The following ZNF827 variants were observed in gnomAD, a reference collection of about 807,000 sequenced individuals.
ZNF827 encodes the protein zinc finger protein 827.
A neutral mutation model predicts 102.4 loss-of-function variants in ZNF827; 13 were observed. That is an observed-to-expected ratio of 0.13 (90% CI 0.08 to 0.20). The LOEUF (loss-of-function observed/expected upper bound fraction) is 0.20, where lower values mean the gene tolerates loss of function less well. Among genes scored for constraint, ZNF827 ranks in the 10% least tolerant of loss-of-function variants. ZNF827 has a pLI of 1.00. For missense variants in ZNF827, 1,103 were observed against 1,344.4 expected (o/e 0.82, Z 2.81); for synonymous variants, 523 against 536.2 (o/e 0.98, Z 0.34).
intron 1 of ZNF827, among the ~76,000 whole-genome samples, chr4:145,936,468 A>G (rs1423540300): frequency 1.3e-5 from 2 of 152,054 alleles, no homozygotes; most frequent in African/African-American, 4.8e-5. Context: ...AAGGAAGGGG[A>G]AAAAAGCACA....
At chr4:145,776,525 T>G (rs972322213) in intron 9 of ZNF827, among the ~76,000 whole-genome samples, 1 of 151,588 alleles carries the variant, frequency 6.6e-6, no homozygotes, top group Non-Finnish European at 1.5e-5. Context: ...TTTTTTTTCC[T>G]GGACACCCAC....
In ZNF827 at chr4:145,765,744, A is replaced by C. The variant is rs1359642597; in HGVS notation, c.2861-6T>G. The C allele has an allele frequency of 1.9e-6, 3 of 1,612,122 alleles. No homozygotes were observed. In the African/African-American group the frequency reaches 4.0e-5, roughly 22 times the overall value. ...GGGGGTCTTCCTGTCTTCCCCTGAA[A>C]AATAAGCAAATAACCCAGTCTGTTA... On this transcript the variant is annotated splice_region_variant and splice_polypyrimidine_tract_variant and intron_variant, in intron 11 of 14. Transcript: ENST00000508784. This position sits in a 1 kb window ranked among gnomAD's most constrained non-coding sequence, Gnocchi z 4.7.
intron 1 of ZNF827, among the ~76,000 whole-genome samples, chr4:145,924,330 G>A (rs769637201): frequency 1.3e-5 from 2 of 152,192 alleles, no homozygotes; most frequent in African/African-American, 4.8e-5. Context: ...GTTAAACTGG[G>A]CGGTAGGTTT....
At chr4:145,864,509 G>A (rs1329178943) in intron 5 of ZNF827, among the ~76,000 whole-genome samples, 8 of 151,354 alleles carry the variant, frequency 5.3e-5, no homozygotes, top group Admixed American at 4.6e-4. Flanking sequence ...TGGGAGGATC[G>A]CTTGAGCCTA....
At chr4:145,804,391 A>G (rs1741205656) in intron 8 of ZNF827, among the ~76,000 whole-genome samples, 1 of 152,198 alleles carries the variant, frequency 6.6e-6, no homozygotes. Context: ...ACTGCCTCTG[A>G]ACAGCTTGGC....
intron 1 of ZNF827, among the ~76,000 whole-genome samples, chr4:145,929,755 A>G (rs1219787756): frequency 1.3e-5 from 2 of 152,208 alleles, no homozygotes; most frequent in Non-Finnish European, 2.9e-5. Context: ...CTTAATAATA[A>G]GTAATATTTA....
chr4:145,790,798 T>C (rs1317768481), intron 8 of ZNF827, among the ~76,000 whole-genome samples: 1 of 152,258 alleles, frequency 6.6e-6, no homozygotes, highest in African/African-American at 2.4e-5. Flanking sequence ...CCTCTTTCTC[T>C]GCTCCTAACC....
At chr4:145,937,132 A>G (rs898876568) in intron 1 of ZNF827, among the ~76,000 whole-genome samples, 9 of 151,998 alleles carry the variant, frequency 5.9e-5, no homozygotes, top group African/African-American at 2.2e-4. Context: ...AAGCGGAGAA[A>G]GACTGGGGGG....
chr4:145,847,839 C>T (rs1414486048), intron 6 of ZNF827, among the ~76,000 whole-genome samples: 2 of 152,216 alleles, frequency 1.3e-5, no homozygotes, highest in South Asian at 2.1e-4. Flanking sequence ...ACCCGTCTCA[C>T]ACTTTGTACT....
chr4:145,938,469 G>T lies in ZNF827; in HGVS notation c.-62C>A. The T allele has an allele frequency of 7.5e-7, 1 of 1,340,700 alleles. No homozygotes were observed. The highest frequency in any genetic ancestry group is 1.2e-5 in the South Asian group (1 of 82,496). 83.1% of individuals were successfully genotyped at this position (1,340,700 alleles called of 1,614,324 possible). A position where few individuals can be genotyped will look rare whatever the true frequency, so the allele number is the denominator to read the frequency against. ...GTGAGATCAAATAAACCCCCGTGGG[G>T]GCAGAGAGGCAGACACTGGCAGGAG... On this transcript the variant is annotated 5_prime_UTR_variant, in exon 1 of 15. Transcript: ENST00000508784.
At chr4:145,870,025 G>C (rs926169920) in intron 5 of ZNF827, among the ~76,000 whole-genome samples, 1 of 152,168 alleles carries the variant, frequency 6.6e-6, no homozygotes, top group South Asian at 2.1e-4. Context: ...TGATAGTCAG[G>C]AAAAGGTTGT....
Position 145,761,157 on chromosome 4 carries a change from A to T in ZNF827, c.*459T>A. 2 of 1,289,806 alleles carry T rather than the reference A, an allele frequency of 1.6e-6. No individual in the cohort carries two copies. Among genetic ancestry groups the T allele is most frequent in the Non-Finnish European group, 2.0e-6 (2 of 988,864 alleles). 79.9% of individuals were successfully genotyped at this position (1,289,806 alleles called of 1,614,324 possible). On this transcript the variant is annotated 3_prime_UTR_variant, in exon 15 of 15. Coordinates refer to ENST00000508784, the MANE Select transcript of ZNF827 (RefSeq NM_001306215.2). This position sits in a 1 kb window ranked among gnomAD's most constrained non-coding sequence, Gnocchi z 6.8. ...GGCCGGCCGGTTCCTTGGGGGCTGG[A>T]CACAGGCCCTTCTTGTCCTCCTCGG...
At chr4:145,788,654 T>C (rs902006045) in intron 8 of ZNF827, among the ~76,000 whole-genome samples, 6 of 152,128 alleles carry the variant, frequency 3.9e-5, no homozygotes, top group African/African-American at 1.2e-4. Context: ...TATTACAACA[T>C]GGAAGCAAAC....
intron 10 of ZNF827, among the ~76,000 whole-genome samples, chr4:145,775,327 A>G (rs1297412264): frequency 6.6e-6 from 1 of 152,226 alleles, no homozygotes; most frequent in Non-Finnish European, 1.5e-5. Flanking sequence ...TACAGAAATG[A>G]AACATAAAAT....
At chr4:145,802,060 C>G (rs1284438964) in intron 8 of ZNF827, among the ~76,000 whole-genome samples, 3 of 152,142 alleles carry the variant, frequency 2.0e-5, no homozygotes, top group Non-Finnish European at 4.4e-5. Context: ...GAAGGCTGGG[C>G]ATTGTCATAG....
intron 9 of ZNF827, among the ~76,000 whole-genome samples, 162 bp downstream of exon 9, chr4:145,779,212 T>C (rs577345325): frequency 9.2e-5 from 14 of 152,366 alleles, no homozygotes; most frequent in Admixed American, 6.5e-4. Context: ...TAAAAAAGCC[T>C]TTCCAAGGTC....
chr4:145,766,752 C>T (rs921642120), intron 11 of ZNF827, among the ~76,000 whole-genome samples: 1 of 152,122 alleles, frequency 6.6e-6, no homozygotes, highest in Non-Finnish European at 1.5e-5. Context: ...GAACAGTGCC[C>T]GGCACTTAGA....
intron 11 of ZNF827, among the ~76,000 whole-genome samples, chr4:145,773,159 C>T (rs995679653): frequency 6.6e-6 from 1 of 152,162 alleles, no homozygotes; most frequent in Admixed American, 6.5e-5. Flanking sequence ...AGAGTTTGGC[C>T]TTTTCCTCCA....
chr4:145,815,480 C>T (rs918994484), intron 8 of ZNF827, among the ~76,000 whole-genome samples: 2 of 151,966 alleles, frequency 1.3e-5, no homozygotes, highest in Admixed American at 6.6e-5. Flanking sequence ...TCTTCTTTAC[C>T]ACAGAGAGGC....
Sources: gnomAD v4.1 joint callset for allele counts (sites outside exome capture counted in the v4.1 genomes callset) on GRCh38, gnomAD v4.1.1 for gene constraint, Gnocchi (gnomAD v3.1) non-coding constraint, MANE v1.5 for transcripts, NCBI Gene and HGNC (gene_info 2026-07-23, HGNC 2026-07-21) for gene names.